DNAH6: variants seen among roughly 807,000 people sequenced by gnomAD.
The protein encoded by DNAH6 is dynein axonemal heavy chain 6.
In DNAH6, 340 loss-of-function variants were observed where a neutral mutation model predicts 491.4. The observed-to-expected ratio is 0.69, with a 90% CI of 0.63 to 0.76. The LOEUF (loss-of-function observed/expected upper bound fraction) is 0.76. Ranked by LOEUF, DNAH6 falls within the 30% of genes least tolerant of loss-of-function variation. DNAH6 has a pLI of 0.00. For synonymous variants in DNAH6, 1,603 were observed against 1,686.1 expected (o/e 0.95, Z 1.21); for missense variants, 4,443 against 4,972.2 (o/e 0.89, Z 3.20).
Position 84,642,022 on chromosome 2 carries a change from A to G in DNAH6, c.5046A>G (p.Pro1682=). Residue 1682 remains proline (P), a synonymous_variant, in exon 33 of 77, where the codon CCA becomes CCG. Transcript: ENST00000389394. ...LIRALQDSNL[P]KFLTDDALLF... ...GAGCTTTACAAGACTCCAATTTGCC[A>G]AAATTTCTAACAGATGATGCTCTTC... The G allele has an allele frequency of 1.3e-6, 2 of 1,550,920 alleles. No homozygotes were observed. The highest frequency in any genetic ancestry group is 1.7e-6 in the Non-Finnish European group (2 of 1,146,506).
At chr2:84,749,790 G>A (rs1673292422) in intron 63 of DNAH6, among the ~76,000 whole-genome samples, 1 of 152,172 alleles carries the variant, frequency 6.6e-6, no homozygotes. Context: ...GTCAAAAAAA[G>A]GAATTTTCCA....
intron 3 of DNAH6, among the ~76,000 whole-genome samples, chr2:84,527,807 T>C (rs1676745876): frequency 6.6e-6 from 1 of 152,188 alleles, no homozygotes; most frequent in Non-Finnish European, 1.5e-5. Context: ...AGTACAAATT[T>C]TCTGGAGAAG....
intron 8 of DNAH6, among the ~76,000 whole-genome samples, chr2:84,549,623 A>G (rs1679127638): frequency 6.6e-6 from 1 of 152,244 alleles, no homozygotes. Context: ...CCTAACAGCT[A>G]TATCACTCAT....
intron 68 of DNAH6, among the ~76,000 whole-genome samples, chr2:84,793,185 C>A (rs1367598431): frequency 6.6e-6 from 1 of 151,406 alleles, no homozygotes; most frequent in East Asian, 1.9e-4. Context: ...ATGGTGGACA[C>A]CACCACACAC....
At chr2:84,637,050 G>A (rs1688951130) in intron 30 of DNAH6, among the ~76,000 whole-genome samples, 160 bp from the exon 31 acceptor site, 1 of 152,180 alleles carries the variant, frequency 6.6e-6, no homozygotes, top group Non-Finnish European at 1.5e-5. Context: ...ATTGGAAGTA[G>A]ACAGGACAGA....
intron 33 of DNAH6, among the ~76,000 whole-genome samples, chr2:84,642,355 G>A (rs1185758121): frequency 2.6e-5 from 4 of 152,018 alleles, no homozygotes; most frequent in Non-Finnish European, 5.9e-5. Flanking sequence ...GTCAGACTTG[G>A]GGTTTAACAT....
chr2:84,563,763 G>GC (rs1269594477), intron 11 of DNAH6, among the ~76,000 whole-genome samples: 1 of 151,948 alleles, frequency 6.6e-6, no homozygotes, highest in African/African-American at 2.4e-5. Context: ...ACAATTCTTT[G>GC]CCAAGCCTGT....
At chr2:84,516,300 CAG>C (rs1288178981), upstream of DNAH6, among the ~76,000 whole-genome samples, 3 of 152,166 alleles carry the variant, frequency 2.0e-5, no homozygotes, top group Admixed American at 6.5e-5. Context: ...ATTCCCAGCG[CAG>C]AGGAGGAACC....
At chr2:84,818,072 G>A (rs918723455) in intron 76 of DNAH6, among the ~76,000 whole-genome samples, 11 of 152,200 alleles carry the variant, frequency 7.2e-5, no homozygotes, top group Admixed American at 4.6e-4. Flanking sequence ...AAGGAGAGGG[G>A]ACCAACAAAC....
intron 62 of DNAH6, among the ~76,000 whole-genome samples, chr2:84,742,560 T>G (rs747923458): frequency 1.3e-5 from 2 of 152,168 alleles, no homozygotes; most frequent in Admixed American, 6.5e-5. Context: ...AACTACAGCA[T>G]CCAAAATGTC....
Position 84,668,732 on chromosome 2 carries a change from G to A in DNAH6, c.6085-557G>A, listed in dbSNP as rs1558881376. Among the ~76,000 whole-genome samples the A allele has an allele frequency of 2.0e-5, 3 of 151,422 alleles. No individual in the cohort carries two copies. The South Asian group carries it at 6.2e-4, about 32-fold the overall frequency. ...GCGTGTTCTTCAAGTCTGAGTTTTA[G>A]CATTACCACCCATGGAAGCCTTCCT... is the stretch of plus-strand genomic sequence containing the variant. On this transcript the variant is annotated intron_variant, in intron 37 of 76. Transcript: ENST00000389394.
chr2:84,816,459 C>A (rs1164957175), intron 76 of DNAH6, among the ~76,000 whole-genome samples: 1 of 152,152 alleles, frequency 6.6e-6, no homozygotes, highest in Non-Finnish European at 1.5e-5. Flanking sequence ...AAAGGTGGCT[C>A]ACCCCTTTAA....
Position 84,718,555 on chromosome 2 carries a change from C to T in DNAH6, c.9792+171C>T, listed in dbSNP as rs1192343. 0.32 allele frequency among the ~76,000 whole-genome samples: 48,951 copies of T among 152,080 alleles called. 9,331 individuals are homozygous for T. Among genetic ancestry groups the T allele is most frequent in the African/African-American group, 0.54 (22,456 of 41,426 alleles). ...AGGGCTCCTTGCCAACCAAAGAAAC[C>T]TGGAGAAACTGTAGACCACTGCTTC... is the stretch of plus-strand genomic sequence containing the variant. On this transcript the variant is annotated intron_variant, in intron 59 of 76. Coordinates refer to ENST00000389394, the MANE Select transcript of DNAH6 (RefSeq NM_001370.2).
At chr2:84,635,538 C>A (rs1441256258) in intron 30 of DNAH6, among the ~76,000 whole-genome samples, 1 of 152,074 alleles carries the variant, frequency 6.6e-6, no homozygotes, top group Non-Finnish European at 1.5e-5. Context: ...CTATATTGTG[C>A]AAGTTATTAT....
At chr2:84,519,700 C>T (rs1553407866) in intron 2 of DNAH6, among the ~76,000 whole-genome samples, 1 of 150,804 alleles carries the variant, frequency 6.6e-6, no homozygotes, top group Non-Finnish European at 1.5e-5. Context: ...TTCTCCTACT[C>T]TCTTTCTTTT....
chr2:84,705,162 C>T (rs1696308397), intron 51 of DNAH6, among the ~76,000 whole-genome samples: 2 of 152,232 alleles, frequency 1.3e-5, no homozygotes, highest in Middle Eastern at 3.4e-3. Flanking sequence ...AGGGTGGGAA[C>T]TATGATAAAG....
chr2:84,787,305 G>A lies in DNAH6; in HGVS notation c.11239+3G>A, dbSNP rs1165402695. The A allele has an allele frequency of 6.5e-7, 1 of 1,547,896 alleles. No homozygotes were observed. The highest frequency in any genetic ancestry group is 1.2e-5 in the South Asian group (1 of 83,146). On this transcript the variant is annotated splice_donor_region_variant and intron_variant, in intron 68 of 76. Coordinates refer to ENST00000389394, the MANE Select transcript of DNAH6 (RefSeq NM_001370.2). ...GGATGCACTAATTTACATTACTGGT[G>A]AGTACGTCCTTGTGGCCAGGCCTTC...
chr2:84,754,406 C>T (rs535619836), intron 63 of DNAH6, among the ~76,000 whole-genome samples: 3 of 152,040 alleles, frequency 2.0e-5, no homozygotes, highest in South Asian at 2.1e-4. Context: ...GTCTCGAACT[C>T]CTGACCTCAG....
At chr2:84,783,816 T>A (rs988955716) in intron 65 of DNAH6, among the ~76,000 whole-genome samples, 24 of 152,186 alleles carry the variant, frequency 1.6e-4, no homozygotes, top group Admixed American at 6.5e-5. Context: ...TAGAACATGG[T>A]TGTGCTTTGG....
Sources: allele counts gnomAD v4.1 joint callset (sites outside exome capture counted in the v4.1 genomes callset), GRCh38; gene constraint gnomAD v4.1.1; transcripts MANE v1.5; gene names NCBI Gene and HGNC (gene_info 2026-07-23, HGNC 2026-07-21).